Variants in SNX10 observed in about 807,000 individuals in gnomAD.
SNX10 encodes the protein sorting nexin-10.
Under a neutral mutation model 28.5 loss-of-function variants are expected in SNX10, and 25 were observed. The ratio of observed to expected loss-of-function variants is 0.88; its 90% confidence interval spans 0.64 to 1.22. The LOEUF is 1.22. Among genes scored for constraint, SNX10 ranks in the 50% most tolerant of loss-of-function variants. The pLI, the probability that SNX10 is intolerant of heterozygous loss-of-function variation, is 0.00. For missense variants in SNX10, 223 were observed against 242.6 expected (o/e 0.92, Z 0.54); for synonymous variants, 62 against 81.4 (o/e 0.76, Z 1.28).
intron 2 of SNX10, among the ~76,000 whole-genome samples, chr7:26,349,893 C>G (rs1788531018): frequency 6.6e-6 from 1 of 152,222 alleles, no homozygotes; most frequent in Admixed American, 6.5e-5. Context: ...TGAGCATTTG[C>G]TCCAGCTGCA....
chr7:26,338,283 AT>A (rs1184445248), intron 1 of SNX10, among the ~76,000 whole-genome samples: 1 of 151,874 alleles, frequency 6.6e-6, no homozygotes, highest in Non-Finnish European at 1.5e-5. Context: ...TGTCTGGCTA[AT>A]TTTTGTGTAT....
intron 1 of SNX10, among the ~76,000 whole-genome samples, chr7:26,309,639 A>G (rs972040542): frequency 2.0e-5 from 3 of 152,108 alleles, no homozygotes; most frequent in Admixed American, 6.5e-5. Flanking sequence ...TCTACCCCCA[A>G]CCTTCATCCC....
chr7:26,325,980 G>GGTGC (rs1483049311), intron 1 of SNX10, among the ~76,000 whole-genome samples: 3 of 152,118 alleles, frequency 2.0e-5, no homozygotes, highest in Non-Finnish European at 1.5e-5. Context: ...TACCAGCCCT[G>GGTGC]GTGCCCCAAA....
chr7:26,331,971 AT>A (rs1473889438), intron 1 of SNX10, among the ~76,000 whole-genome samples: 1 of 152,226 alleles, frequency 6.6e-6, no homozygotes, highest in Non-Finnish European at 1.5e-5. Flanking sequence ...ATAATACTCC[AT>A]TGAGTAGATA....
intron 1 of SNX10, among the ~76,000 whole-genome samples, chr7:26,325,304 AAAATATATATAT>A (rs1177601692): frequency 1.3e-3 from 5 of 3,922 alleles, no homozygotes; most frequent in Non-Finnish European, 3.5e-3. Context: ...TGAAGTTTGC[AAAATATATATAT>A]ATATATATAT....
At position 26,372,584 on chromosome 7, in the gene SNX10, A is replaced by G; in HGVS notation, c.*12A>G. On this transcript the variant is annotated 3_prime_UTR_variant, in exon 7 of 7. Coordinates refer to ENST00000338523, the MANE Select transcript of SNX10 (RefSeq NM_013322.3). ...CGCAGGAATCCTGAAAAATAATTCT[A>G]ATGTTACTATCTTAGGAATAGCAAA... 6.7e-7 allele frequency: 1 copy of G among 1,499,354 alleles called. No homozygotes were observed. 92.9% of individuals were successfully genotyped at this position (1,499,354 alleles called of 1,614,324 possible).
At chr7:26,316,998 C>T (rs774691582) in intron 1 of SNX10, among the ~76,000 whole-genome samples, 4 of 152,156 alleles carry the variant, frequency 2.6e-5, no homozygotes, top group East Asian at 1.9e-4. Context: ...TTCCTGTATG[C>T]GTTACATACC....
At chr7:26,354,689 T>C in intron 2 of SNX10, among the ~76,000 whole-genome samples, 1 of 76,654 alleles carries the variant, frequency 1.3e-5, no homozygotes, top group East Asian at 5.8e-4. Flanking sequence ...CTGATAGTTT[T>C]GTTTTTTTTT....
chr7:26,296,078 T>C (rs1786097566), intron 1 of SNX10, among the ~76,000 whole-genome samples: 1 of 151,992 alleles, frequency 6.6e-6, no homozygotes, highest in South Asian at 2.1e-4. Flanking sequence ...GAGGCTGCAG[T>C]GAGCTGTGAT....
intron 1 of SNX10, among the ~76,000 whole-genome samples, chr7:26,346,040 G>A (rs12534835): frequency 0.11 from 17,000 of 152,186 alleles, 1,058 homozygotes; most frequent in East Asian, 0.17. Flanking sequence ...GGCTGCCTCT[G>A]GTGGTGGATC....
At chr7:26,299,670 C>T (rs921232178) in intron 1 of SNX10, among the ~76,000 whole-genome samples, 1 of 149,234 alleles carries the variant, frequency 6.7e-6, no homozygotes, top group African/African-American at 2.5e-5. Context: ...GTGATCTGCC[C>T]GCCTTGGCCT....
At chr7:26,314,374 C>T (rs1786981409) in intron 1 of SNX10, among the ~76,000 whole-genome samples, 1 of 152,070 alleles carries the variant, frequency 6.6e-6, no homozygotes, top group South Asian at 2.1e-4. Context: ...CCTGCCTCAG[C>T]CTCCCGAGTA....
In SNX10 at chr7:26,357,327, T is replaced by TAAAA. The variant is rs372771552; in HGVS notation, c.25-3632_25-3629dup. ...AAAATAGTAGAAGAAAAGAGAAGAT[T>TAAAA]AAAAAAAAAAAAAAAAAAAGGCAGT... On this transcript the variant is annotated intron_variant, in intron 2 of 6. Transcript: ENST00000338523. Among the ~76,000 whole-genome samples the TAAAA allele has an allele frequency of 7.3e-5, 8 of 109,364 alleles. No homozygotes were observed. In the East Asian group the frequency reaches 1.1e-3, roughly 15 times the overall value. 71.7% of individuals were successfully genotyped at this position (109,364 alleles called of 152,430 possible).
intron 2 of SNX10, among the ~76,000 whole-genome samples, chr7:26,349,712 T>C (rs1358307763): frequency 6.6e-6 from 1 of 152,220 alleles, no homozygotes; most frequent in Non-Finnish European, 1.5e-5. Flanking sequence ...AGACTCCAAA[T>C]GGAAAGGCAG....
chr7:26,293,810 G>A (rs1428149041), intron 1 of SNX10, among the ~76,000 whole-genome samples: 1 of 152,206 alleles, frequency 6.6e-6, no homozygotes, highest in Non-Finnish European at 1.5e-5. Flanking sequence ...TTACTAATGG[G>A]AAGGACCCCT....
At chr7:26,353,922 C>A (rs1788715105) in intron 2 of SNX10, 1 of 152,102 alleles carries the variant, frequency 6.6e-6, no homozygotes, top group Non-Finnish European at 1.5e-5. Context: ...CAAACTGAGA[C>A]AAGTTTACAT....
At chr7:26,362,124 A>G (rs1472499429) in intron 3 of SNX10, among the ~76,000 whole-genome samples, 6 of 152,174 alleles carry the variant, frequency 3.9e-5, no homozygotes, top group African/African-American at 1.4e-4. Flanking sequence ...CCCAACTTTG[A>G]AAATAAAAGA....
intron 5 of SNX10, among the ~76,000 whole-genome samples, chr7:26,366,804 C>T (rs778525675): frequency 4.6e-5 from 7 of 152,216 alleles, no homozygotes; most frequent in Non-Finnish European, 1.0e-4. Context: ...GGAATTACTT[C>T]GTTGTTTTGA....
chr7:26,348,368 A>G (rs1475317619), intron 2 of SNX10, among the ~76,000 whole-genome samples: 1 of 152,238 alleles, frequency 6.6e-6, no homozygotes, highest in Non-Finnish European at 1.5e-5. Context: ...ACCAATTGCA[A>G]GCTTGGGGCT....
Sources: allele counts gnomAD v4.1 joint callset (sites outside exome capture counted in the v4.1 genomes callset), GRCh38; gene constraint gnomAD v4.1.1; transcripts MANE v1.5; gene names NCBI Gene and HGNC (gene_info 2026-07-23, HGNC 2026-07-21).